SHANK2: variants seen among roughly 807,000 people sequenced by gnomAD.
SHANK2 encodes SH3 and multiple ankyrin repeat domains protein 2.
A neutral mutation model predicts 133.7 loss-of-function variants in SHANK2; 43 were observed. That is an observed-to-expected ratio of 0.32 (90% CI 0.25 to 0.41). SHANK2 has a LOEUF of 0.41. SHANK2 is among the 10% of genes least tolerant of loss of function. SHANK2 has a pLI of 1.00. For missense variants in SHANK2, 1,994 were observed against 2,235.8 expected, an observed-to-expected ratio of 0.89 and a Z score of 2.18; for synonymous variants, 1,017 against 952.8, an observed-to-expected ratio of 1.07 and a Z score of -1.24.
chr11:70,767,710 A>C (rs1454894488), intron 14 of SHANK2, among the ~76,000 whole-genome samples: 2 of 150,692 alleles, frequency 1.3e-5, no homozygotes, highest in Non-Finnish European at 3.0e-5. Context: ...GGGCATGAGG[A>C]GTGACTGCTA....
At position 71,172,062 on chromosome 11, in the gene SHANK2, AC is replaced by A. The variant is rs575619734; in HGVS notation, c.-12-24725del. The stretch of plus-strand genomic sequence containing the variant: ...TCCCCCATGGCTGCCCAAGGGTTGA[AC>A]AAGGTGGCAGACTTCATCACTCAGC... On this transcript the variant is annotated intron_variant, in intron 2 of 25. Coordinates refer to ENST00000601538, the MANE Select transcript of SHANK2 (RefSeq NM_012309.5). Among the ~76,000 whole-genome samples, 69 of 152,292 alleles carry A rather than the reference AC, an allele frequency of 4.5e-4. 1 individual carries two copies. In the South Asian group the frequency reaches 0.014, roughly 31 times the overall value.
At chr11:70,743,349 G>A (rs1420312865) in intron 14 of SHANK2, among the ~76,000 whole-genome samples, 3 of 152,170 alleles carry the variant, frequency 2.0e-5, no homozygotes, top group African/African-American at 4.8e-5. Flanking sequence ...TCATGAGGGT[G>A]GGCTCTGGTG....
intron 2 of SHANK2, among the ~76,000 whole-genome samples, chr11:71,187,655 C>T (rs1405797678): frequency 1.3e-5 from 2 of 152,174 alleles, no homozygotes; most frequent in South Asian, 2.1e-4. Flanking sequence ...CAGGAATGTA[C>T]AGACCCAGGC....
At chr11:71,095,219 T>C (rs1421540746) in intron 6 of SHANK2, among the ~76,000 whole-genome samples, 1 of 152,184 alleles carries the variant, frequency 6.6e-6, no homozygotes, top group Non-Finnish European at 1.5e-5. Flanking sequence ...AAACCTTCCT[T>C]CATTAACGCG....
chr11:70,815,174 A>AC (rs1555053998), intron 12 of SHANK2, among the ~76,000 whole-genome samples: 22 of 122,100 alleles, frequency 1.8e-4, no homozygotes, highest in African/African-American at 6.6e-4. Flanking sequence ...ATGGGAGAAG[A>AC]AACACACACA....
chr11:71,143,063 G>A (rs1258921546), intron 3 of SHANK2, among the ~76,000 whole-genome samples: 2 of 152,104 alleles, frequency 1.3e-5, no homozygotes, highest in Non-Finnish European at 2.9e-5. Context: ...GTAAAACCCC[G>A]TCTCTACTAA....
intron 21 of SHANK2, chr11:70,497,131 C>T (rs58382251): frequency 2.6e-5 from 11 of 428,850 alleles, no homozygotes; most frequent in Admixed American, 2.5e-4. Flanking sequence ...AAAAGGAAAA[C>T]CCTGCATTGG....
chr11:70,542,942 G>C (rs926258014), intron 17 of SHANK2, among the ~76,000 whole-genome samples: 4 of 152,066 alleles, frequency 2.6e-5, no homozygotes, highest in African/African-American at 4.8e-5. Context: ...GCAGGAAGGG[G>C]GCCCCCCCGG....
intron 2 of SHANK2, among the ~76,000 whole-genome samples, chr11:71,197,098 T>C (rs1314112827): frequency 1.3e-5 from 2 of 151,690 alleles, no homozygotes; most frequent in Non-Finnish European, 2.9e-5. Flanking sequence ...AGACCTCACA[T>C]GGAACAAAAT....
intron 2 of SHANK2, among the ~76,000 whole-genome samples, chr11:71,198,269 T>C (rs913881320): frequency 7.2e-5 from 11 of 152,176 alleles, no homozygotes; most frequent in Non-Finnish European, 1.6e-4. Flanking sequence ...TTGTATGTTA[T>C]GAATGTTGTG....
intron 17 of SHANK2, among the ~76,000 whole-genome samples, chr11:70,541,347 T>G (rs980473193): frequency 1.3e-5 from 2 of 152,182 alleles, no homozygotes; most frequent in Non-Finnish European, 2.9e-5. Flanking sequence ...ACAGTAGGAA[T>G]AGCCACCGGC....
chr11:70,751,478 C>T (rs1946747587), intron 14 of SHANK2, among the ~76,000 whole-genome samples: 1 of 152,078 alleles, frequency 6.6e-6, no homozygotes, highest in African/African-American at 2.4e-5. Flanking sequence ...AAACCAAGAA[C>T]ATTTGTGGCC....
intron 17 of SHANK2, among the ~76,000 whole-genome samples, chr11:70,513,738 T>A (rs1554969599): frequency 2.0e-5 from 3 of 152,220 alleles, no homozygotes; most frequent in East Asian, 3.8e-4. Flanking sequence ...ATGCATCAGC[T>A]GGGCTTAACA....
At chr11:71,070,821 T>C (rs1002842470) in intron 9 of SHANK2, among the ~76,000 whole-genome samples, 1 of 152,256 alleles carries the variant, frequency 6.6e-6, no homozygotes, top group African/African-American at 2.4e-5. Context: ...CAACTGGCTC[T>C]TTATAGCAAA....
intron 2 of SHANK2, among the ~76,000 whole-genome samples, chr11:71,201,568 C>T (rs1954020978): frequency 6.6e-6 from 1 of 152,180 alleles, no homozygotes; most frequent in Non-Finnish European, 1.5e-5. Flanking sequence ...TCCCTATGAG[C>T]CGGTTCTCTT....
chr11:71,241,827 C>T (rs369265878), intron 1 of SHANK2, among the ~76,000 whole-genome samples: 1 of 152,158 alleles, frequency 6.6e-6, no homozygotes, highest in African/African-American at 2.4e-5. Flanking sequence ...TAGGCTGGAG[C>T]GAGTGGGTAA....
chr11:71,145,379 A>T (rs1236051127), intron 3 of SHANK2, among the ~76,000 whole-genome samples: 1 of 152,276 alleles, frequency 6.6e-6, no homozygotes, highest in Non-Finnish European at 1.5e-5. Context: ...CCGCATTCAA[A>T]GCTGTCCTGG....
chr11:71,101,245 G>A (rs1375837376), intron 6 of SHANK2, among the ~76,000 whole-genome samples: 1 of 152,090 alleles, frequency 6.6e-6, no homozygotes, highest in African/African-American at 2.4e-5. Flanking sequence ...GTGGACCCTG[G>A]CCCCTGCCTC....
intron 12 of SHANK2, among the ~76,000 whole-genome samples, chr11:70,818,403 A>G (rs529601042): frequency 7.2e-5 from 11 of 152,314 alleles, no homozygotes; most frequent in African/African-American, 2.4e-4. Context: ...CCGCAGCTGC[A>G]ATACACCCGG....
Sources: allele counts gnomAD v4.1 joint callset (sites outside exome capture counted in the v4.1 genomes callset), GRCh38; gene constraint gnomAD v4.1.1; transcripts MANE v1.5; gene names NCBI Gene and HGNC (gene_info 2026-07-23, HGNC 2026-07-21).